The following BNC1 variants were observed in gnomAD, a reference collection of about 807,000 sequenced individuals.
The protein encoded by BNC1 is zinc finger protein basonuclin-1.
BNC1 carries 8 observed loss-of-function variants against 66.5 expected under a neutral mutation model. That is an observed-to-expected ratio of 0.12 (90% CI 0.07 to 0.22). BNC1 has a LOEUF of 0.22. BNC1 is among the 10% of genes least tolerant of loss of function. BNC1 has a pLI of 1.00. For missense variants in BNC1, 1,069 were observed against 1,241.3 expected, an observed-to-expected ratio of 0.86 and a Z score of 2.09; for synonymous variants, 454 against 452.6, an observed-to-expected ratio of 1.00 and a Z score of -0.04.
intron 4 of BNC1, among the ~76,000 whole-genome samples, chr15:83,259,662 AAAAG>A (rs1022361009): frequency 2.0e-5 from 3 of 152,198 alleles, no homozygotes; most frequent in African/African-American, 7.2e-5. Flanking sequence ...CAAGTGGTTA[AAAAG>A]AAAGACAAAC....
In BNC1 at chr15:83,264,523, A is replaced by G; in HGVS notation, c.728T>C (p.Met243Thr). The G allele has an allele frequency of 1.2e-6, 2 of 1,614,184 alleles. No homozygotes were observed. Among genetic ancestry groups the G allele is most frequent in the East Asian group, 2.2e-5 (1 of 44,874 alleles). The change falls in exon 4 of 5, where the codon ATG becomes ACG. Residue 243 changes from methionine to threonine, a missense_variant. This residue lies in a region of BNC1 where 181 missense variants were observed against 181.5 expected (regional missense o/e 1.00). Coordinates refer to ENST00000345382, the MANE Select transcript of BNC1 (RefSeq NM_001717.4). ...AGGGTTGAAGAACTGGAAAGGCAGC[A>G]TGAAAGTCATGTTGCTTATGAGGTT... Reference protein sequence around the residue: ...FENLISNMTFMLPFQFFNPLP... With the variant: ...FENLISNMTFTLPFQFFNPLP...
rs116849610 is a variant in BNC1, at chr15:83,282,117, G to A, written c.99+2413C>T. 7.3e-4 allele frequency among the ~76,000 whole-genome samples: 111 copies of A among 152,334 alleles called. No individual in the cohort carries two copies. In the South Asian group the frequency reaches 0.012, roughly 17 times the overall value. On this transcript the variant is annotated intron_variant, in intron 1 of 4. Coordinates refer to ENST00000345382, the MANE Select transcript of BNC1 (RefSeq NM_001717.4). ...GTCCCTAAATCCTTACTAGTCTGAA[G>A]GGACACTATAGGTACAGATGATATT...
At chr15:83,275,624 A>G (rs1255573287) in intron 1 of BNC1, among the ~76,000 whole-genome samples, 1 of 152,190 alleles carries the variant, frequency 6.6e-6, no homozygotes, top group Non-Finnish European at 1.5e-5. Context: ...TAACATGTGA[A>G]TTGAGTCCCA....
chr15:83,261,516 C>T (rs931286254), intron 4 of BNC1, among the ~76,000 whole-genome samples: 5 of 152,160 alleles, frequency 3.3e-5, no homozygotes, highest in Admixed American at 6.5e-5. Context: ...TATCATATTC[C>T]ATTTCATCAG....
chr15:83,258,111 T>G lies in BNC1; in HGVS notation c.2316A>C (p.Leu772=). The change falls in exon 5 of 5, where the codon CTA becomes CTC. Residue 772 remains leucine, a synonymous_variant. Transcript: ENST00000345382. ...RRSRDRHSSN[L]NLHQKALSQE... Reference sequence around the variant, plus strand: ...GGCTCAATGCTTTTTGGTGGAGGTTTAGGTTTGAGCTGTGTCTACAAGAGT... The same window carrying G: ...GGCTCAATGCTTTTTGGTGGAGGTTGAGGTTTGAGCTGTGTCTACAAGAGT... The G allele has an allele frequency of 6.2e-7, 1 of 1,602,228 alleles. No individual in the cohort carries two copies. The highest frequency in any genetic ancestry group is 1.1e-5 in the South Asian group (1 of 90,726).
At chr15:83,274,656 A>C (rs2038301996) in intron 1 of BNC1, among the ~76,000 whole-genome samples, 1 of 152,210 alleles carries the variant, frequency 6.6e-6, no homozygotes, top group African/African-American at 2.4e-5. Context: ...TATTCTCAGA[A>C]ACTTAAATTT....
intron 1 of BNC1, among the ~76,000 whole-genome samples, chr15:83,276,255 T>C (rs2038321986): frequency 6.6e-6 from 1 of 152,188 alleles, no homozygotes; most frequent in East Asian, 1.9e-4. Flanking sequence ...GCTCTGGTTG[T>C]CCGACTCTGC....
Position 83,257,494 on chromosome 15 carries a change from T to C in BNC1, c.2933A>G (p.Gln978Arg). The change falls in exon 5 of 5, where the codon CAG becomes CGG. Residue 978 changes from glutamine (Q) to arginine (R), a missense_variant. By Grantham distance (43) the Gln-to-Arg change is conservative. Transcript: ENST00000345382. ...CAGGCTTTTGTGCAGGTTGGGATTC[T>C]GGCTGTGTCTGTTTCGACTGCGAAC... is the stretch of plus-strand genomic sequence containing the variant. The part of the protein sequence containing the change: ...SSVRSRNRHS[Q>R]NPNLHKSLAS... The C allele has an allele frequency of 6.2e-7, 1 of 1,614,240 alleles. No individual in the cohort carries two copies. Among genetic ancestry groups the C allele is most frequent in the Non-Finnish European group, 8.5e-7 (1 of 1,180,044 alleles).
chr15:83,270,962 T>C (rs2038264020), intron 1 of BNC1, among the ~76,000 whole-genome samples: 1 of 152,174 alleles, frequency 6.6e-6, no homozygotes, highest in Admixed American at 6.5e-5. Context: ...GGTATGTCAA[T>C]TACATCTCAA....
At chr15:83,274,779 C>T (rs1252863811) in intron 1 of BNC1, among the ~76,000 whole-genome samples, 1 of 152,164 alleles carries the variant, frequency 6.6e-6, no homozygotes, top group Admixed American at 6.5e-5. Context: ...ATTTCTTTCT[C>T]ACAACTACCC....
At chr15:83,281,683 C>CA (rs756129983) in intron 1 of BNC1, among the ~76,000 whole-genome samples, 6 of 152,220 alleles carry the variant, frequency 3.9e-5, no homozygotes, top group Non-Finnish European at 8.8e-5. Context: ...TTCTGCCCCC[C>CA]ACTCCATAAG....
intron 1 of BNC1, among the ~76,000 whole-genome samples, chr15:83,273,667 T>C (rs965870395): frequency 2.6e-4 from 40 of 152,334 alleles, no homozygotes; most frequent in Admixed American, 3.3e-4. Flanking sequence ...TGATGGAAGA[T>C]TGGGTTTTGC....
At chr15:83,275,491 CA>C (rs35785505) in intron 1 of BNC1, among the ~76,000 whole-genome samples, 1,450 of 82,986 alleles carry the variant, frequency 0.017, 13 homozygotes, top group African/African-American at 0.048. Flanking sequence ...GACTCCATCT[CA>C]AAAAAAAAAA....
In BNC1 at chr15:83,268,073, T is replaced by A; in HGVS notation, c.199+60A>T. On this transcript the variant is annotated intron_variant, in intron 2 of 4. Transcript: ENST00000345382. Reference sequence around the variant, plus strand: ...TTAAGATATTAAATCAGTTCCTGAATAACTCTAAGTTACTTAGAGGTAACA... The same window carrying A: ...TTAAGATATTAAATCAGTTCCTGAAAAACTCTAAGTTACTTAGAGGTAACA... 2.2e-6 allele frequency: 3 copies of A among 1,387,602 alleles called. No homozygotes were observed. The South Asian group carries it at 3.5e-5, about 16-fold the overall frequency. The allele number at this position is 1,387,602 out of a possible 1,614,324, so 86.0% of individuals were successfully genotyped here.
Position 83,257,966 on chromosome 15 carries a change from A to G in BNC1, c.2461T>C (p.Phe821Leu), listed in dbSNP as rs1317091854. 15 of 1,614,082 alleles carry G rather than the reference A, an allele frequency of 9.3e-6. No homozygotes were observed. Among genetic ancestry groups the G allele is most frequent in the African/African-American group, 1.3e-5 (1 of 74,926 alleles). ...TQQASQTSVI[F>L]KGTSRMGSLV... ...CTGCCCATTCGACTTGTTCCTTTGA[A>G]GATGACAGATGTCTGGGAGGCTTGC... is the stretch of plus-strand genomic sequence containing the variant. Residue 821 changes from phenylalanine to leucine, a missense_variant, in exon 5 of 5, where the codon TTC becomes CTC. Coordinates refer to ENST00000345382, the MANE Select transcript of BNC1 (RefSeq NM_001717.4).
rs1326707212 is a variant in BNC1, at chr15:83,257,305, G to A, written c.*137C>T. 12 of 1,033,560 alleles carry A rather than the reference G, an allele frequency of 1.2e-5. No homozygotes were observed. The highest frequency in any genetic ancestry group is 1.6e-5 in the African/African-American group (1 of 62,260). 64.0% of individuals were successfully genotyped at this position (1,033,560 alleles called of 1,614,324 possible). On this transcript the variant is annotated 3_prime_UTR_variant, in exon 5 of 5. Coordinates refer to ENST00000345382, the MANE Select transcript of BNC1 (RefSeq NM_001717.4). ...AGGTTTGTCTTTTGCTCATTGTGCT[G>A]TGGAAAACTATAAAGTCAAATCAAA... is the stretch of plus-strand genomic sequence containing the variant.
intron 1 of BNC1, among the ~76,000 whole-genome samples, chr15:83,278,975 T>TA (rs1287624624): frequency 6.6e-6 from 1 of 152,120 alleles, no homozygotes; most frequent in African/African-American, 2.4e-5. Context: ...ACCTATATAT[T>TA]AAAAAAGACA....
chr15:83,263,538 C>T lies in BNC1; in HGVS notation c.1713G>A (p.Val571=), dbSNP rs139769685. 36 of 1,614,126 alleles carry T rather than the reference C, an allele frequency of 2.2e-5. No individual in the cohort carries two copies. Among genetic ancestry groups the T allele is most frequent in the Admixed American group, 5.0e-5 (3 of 60,016 alleles). The change falls in exon 4 of 5, where the codon GTG becomes GTA. Residue 571 remains valine, a synonymous_variant. Transcript: ENST00000345382. ...LSSDEDMPLQ[V]VSEDEQEACS... ...AGGCCTCCTGCTCATCTTCACTGACCACCTGTAGGGGCATGTCTTCATCTG... is the reference window on the plus strand; with the variant it reads ...AGGCCTCCTGCTCATCTTCACTGACTACCTGTAGGGGCATGTCTTCATCTG...
chr15:83,263,260 G>A lies in BNC1; in HGVS notation c.1991C>T (p.Pro664Leu). ...CATGTAGTCAGAAAAAGGAACTTGG[G>A]GTTCCATCCCAGGTGTGAAGTAGTG... ...HEHYFTPGME[P>L]QVPFSDYMEL... Residue 664 changes from proline (P) to leucine (L), a missense_variant, in exon 4 of 5, where the codon CCC becomes CTC. Pro to Leu is a moderately conservative substitution (Grantham distance 98, BLOSUM62 -3). Around this residue, in one of 7 missense-constraint regions of BNC1, gnomAD observed 657 missense variants for 715.8 expected, o/e 0.92. Transcript: ENST00000345382. 6.2e-7 allele frequency: 1 copy of A among 1,614,194 alleles called. No homozygotes were observed. The highest frequency in any genetic ancestry group is 2.2e-5 in the East Asian group (1 of 44,886).
Sources: allele counts gnomAD v4.1 joint callset (sites outside exome capture counted in the v4.1 genomes callset), GRCh38; gene constraint gnomAD v4.1.1; regional missense constraint gnomAD v4.1.1; transcripts MANE v1.5; gene names NCBI Gene and HGNC (gene_info 2026-07-23, HGNC 2026-07-21).